Variants in PRIM1 observed in about 807,000 individuals in gnomAD.
PRIM1 encodes DNA primase subunit 1.
Under a neutral mutation model 60.2 loss-of-function variants are expected in PRIM1, and 38 were observed. The ratio of observed to expected loss-of-function variants is 0.63; its 90% CI spans 0.49 to 0.83. The LOEUF is 0.83. Ranked by LOEUF, PRIM1 falls within the 40% of genes least tolerant of loss-of-function variation. The probability of loss-of-function intolerance (pLI) is 0.00; values close to 1 mark genes in which losing one functional copy is unlikely to be tolerated. For missense variants in PRIM1, 388 were observed against 506.2 expected (o/e 0.77, Z 2.24); for synonymous variants, 158 against 160.2 (o/e 0.99, Z 0.10).
chr12:56,743,853 T>C (rs1422178674), intron 6 of PRIM1: 2 of 432,092 alleles, frequency 4.6e-6, no homozygotes, highest in African/African-American at 2.0e-5. Flanking sequence ...GGAGATACCA[T>C]CAAGTCTCTT....
intron 11 of PRIM1, among the ~76,000 whole-genome samples, chr12:56,736,617 C>T (rs1953833247): frequency 6.6e-6 from 1 of 151,684 alleles, no homozygotes; most frequent in Admixed American, 6.6e-5. Flanking sequence ...GATTCTTGTG[C>T]CTCAGCCTCC....
Position 56,751,039 on chromosome 12 carries a change from C to A in PRIM1, c.260G>T (p.Arg87Ile). 2 of 1,468,102 alleles carry A rather than the reference C, an allele frequency of 1.4e-6. No individual in the cohort carries two copies. The highest frequency in any genetic ancestry group is 9.1e-7 in the Non-Finnish European group (1 of 1,103,648). The allele number at this position is 1,468,102 out of a possible 1,614,324, so 90.9% of individuals were successfully genotyped here. ...KIDIGAVYSH[R>I]PNQHNTVKLG... ...ATATATTAAAAAAAGATTTCTTACT[C>A]TGTGAGAATATACTGCGCCTATATC... Residue 87 changes from arginine (R) to isoleucine (I), a missense_variant and splice_region_variant, in exon 2 of 13, where the codon AGA (arginine) becomes ATA (isoleucine). This residue lies in a region of PRIM1 where 156 missense variants were observed against 175.8 expected (regional missense o/e 0.89). Transcript: ENST00000338193.
At chr12:56,748,254 T>G (rs907037437) in intron 2 of PRIM1, among the ~76,000 whole-genome samples, 1 of 152,156 alleles carries the variant, frequency 6.6e-6, no homozygotes, top group African/African-American at 2.4e-5. Context: ...ATGTGGAATG[T>G]TAAGACCCAG....
In PRIM1 at chr12:56,743,101, A is replaced by C. The variant is rs1374540764; in HGVS notation, c.639-5T>G. 1 of 1,517,576 alleles carries C rather than the reference A, an allele frequency of 6.6e-7. No homozygotes were observed. The highest frequency in any genetic ancestry group is 1.4e-5 in the African/African-American group (1 of 70,638). 94.0% of individuals were successfully genotyped at this position (1,517,576 alleles called of 1,614,324 possible). A position where few individuals can be genotyped will look rare whatever the true frequency, so the allele number is the denominator to read the frequency against. On this transcript the variant is annotated splice_region_variant and splice_polypyrimidine_tract_variant and intron_variant, in intron 6 of 12. Coordinates refer to ENST00000338193, the MANE Select transcript of PRIM1 (RefSeq NM_000946.3). ...TTTATTATGTTTATAGATTTTCTGT[A>C]AGAACAACAATAACAACAGAGTCCC...
At chr12:56,746,643 C>G (rs908600689) in intron 4 of PRIM1, 138 bp downstream of exon 4, 2 of 654,536 alleles carry the variant, frequency 3.1e-6, no homozygotes, top group Non-Finnish European at 5.3e-6. Flanking sequence ...CACACACACA[C>G]ACACACACAC....
intron 9 of PRIM1, 108 bp from the exon 10 acceptor site, chr12:56,739,471 G>C: frequency 1.6e-6 from 1 of 611,112 alleles, no homozygotes; most frequent in Non-Finnish European, 2.7e-6. Context: ...TTAGACAAAG[G>C]GTTAAACTTA....
Position 56,744,070 on chromosome 12 carries a change from A to G in PRIM1, c.633T>C (p.Phe211=). 1 of 1,570,732 alleles carries G rather than the reference A, an allele frequency of 6.4e-7. No individual in the cohort carries two copies. The highest frequency in any genetic ancestry group is 2.3e-5 in the East Asian group (1 of 43,584). Residue 211 remains phenylalanine, a synonymous_variant, in exon 6 of 13, where the codon TTT becomes TTC. Transcript: ENST00000338193. ...TGGAGACTTTTCCAACAGACCTGAT[A>G]AAAGGGTGAATTTTTTCACTTAGGT... is the stretch of plus-strand genomic sequence containing the variant. The part of the protein sequence containing the change: ...KVHLSEKIHP[F]IRKSINIIKK...
intron 12 of PRIM1, among the ~76,000 whole-genome samples, chr12:56,732,605 AG>A (rs1158520563): frequency 2.0e-5 from 3 of 152,106 alleles, no homozygotes; most frequent in African/African-American, 7.2e-5. Context: ...TTGGAATTCA[AG>A]GCCATTCAGT....
intron 11 of PRIM1, among the ~76,000 whole-genome samples, chr12:56,736,104 C>G (rs1333966137): frequency 6.6e-6 from 1 of 150,792 alleles, no homozygotes; most frequent in Non-Finnish European, 1.5e-5. Flanking sequence ...TCGAGACCAG[C>G]CTGACCAACA....
At chr12:56,738,771 C>A (rs1013672817) in intron 10 of PRIM1, among the ~76,000 whole-genome samples, 1 of 152,124 alleles carries the variant, frequency 6.6e-6, no homozygotes, top group Admixed American at 6.6e-5. Context: ...AGGATGGTCT[C>A]GATCTCTTGA....
intron 6 of PRIM1, 147 bp from the exon 7 acceptor site, chr12:56,743,243 G>A: frequency 2.2e-6 from 2 of 926,682 alleles, no homozygotes; most frequent in Non-Finnish European, 3.0e-6. Context: ...ACTACCCTGT[G>A]CAGGGTTATG....
At chr12:56,746,251 CTTG>C (rs1289720890) in intron 4 of PRIM1, 70 bp from the exon 5 acceptor site, 15 of 1,485,602 alleles carry the variant, frequency 1.0e-5, no homozygotes, top group African/African-American at 5.6e-5. Flanking sequence ...TATTAAATTA[CTTG>C]TTGTTTCCTG....
chr12:56,744,594 T>C (rs150929618), intron 5 of PRIM1, among the ~76,000 whole-genome samples: 129 of 152,022 alleles, frequency 8.5e-4, no homozygotes, highest in African/African-American at 2.9e-3. Context: ...TCAGTACCTA[T>C]CATTGTGTTA....
chr12:56,743,374 G>A (rs1406916207), intron 6 of PRIM1: 2 of 230,030 alleles, frequency 8.7e-6, no homozygotes, highest in Non-Finnish European at 1.7e-5. Flanking sequence ...TACGCAATAA[G>A]GGTAGAAAGT....
chr12:56,750,642 T>C (rs950494031), intron 2 of PRIM1, among the ~76,000 whole-genome samples: 6 of 150,048 alleles, frequency 4.0e-5, no homozygotes, highest in African/African-American at 1.5e-4. Context: ...CAGACTGGAG[T>C]GCAATGGCGC....
chr12:56,744,188 AACG>A (rs1382946773), intron 5 of PRIM1, 65 bp from the exon 6 acceptor site: 3 of 1,252,560 alleles, frequency 2.4e-6, no homozygotes, highest in Middle Eastern at 2.0e-4. Context: ...TGTGCAGCAT[AACG>A]ACATTTTAGT....
At chr12:56,732,840 T>C (rs1204980070) in intron 12 of PRIM1, among the ~76,000 whole-genome samples, 2 of 151,960 alleles carry the variant, frequency 1.3e-5, no homozygotes, top group Non-Finnish European at 2.9e-5. Flanking sequence ...TATAGTATAT[T>C]GGCATTAGGG....
intron 11 of PRIM1, among the ~76,000 whole-genome samples, chr12:56,735,921 G>T (rs1178249485): frequency 6.6e-6 from 1 of 151,950 alleles, no homozygotes; most frequent in East Asian, 1.9e-4. Flanking sequence ...AAAGTGCTGG[G>T]CCTACAGGCA....
chr12:56,740,757 G>GA (rs1470726015), intron 9 of PRIM1, among the ~76,000 whole-genome samples: 1 of 151,942 alleles, frequency 6.6e-6, no homozygotes, highest in Non-Finnish European at 1.5e-5. Flanking sequence ...ACTCTTTCTC[G>GA]AAAAAAATTT....
Sources: gnomAD v4.1 joint callset for allele counts (sites outside exome capture counted in the v4.1 genomes callset) on GRCh38, gnomAD v4.1.1 for gene constraint, gnomAD v4.1.1 regional missense constraint, MANE v1.5 for transcripts, NCBI Gene and HGNC (gene_info 2026-07-23, HGNC 2026-07-21) for gene names.